Variants in RHBDD1 observed in about 807,000 individuals in gnomAD.
The protein encoded by RHBDD1 is rhomboid domain containing 1.
A neutral mutation model predicts 36.3 loss-of-function variants in RHBDD1; 38 were observed. The observed-to-expected ratio is 1.05, with a 90% CI of 0.81 to 1.37. The LOEUF is 1.37. Among genes scored for constraint, RHBDD1 ranks in the 40% most tolerant of loss-of-function variants. RHBDD1 has a pLI of 0.00. For missense variants in RHBDD1, 393 were observed against 377.6 expected (o/e 1.04, Z -0.34); for synonymous variants, 151 against 136.5 (o/e 1.11, Z -0.74).
chr2:226,904,209 T>A (rs1017779410), intron 5 of RHBDD1, among the ~76,000 whole-genome samples: 1 of 151,912 alleles, frequency 6.6e-6, no homozygotes, highest in African/African-American at 2.4e-5. Flanking sequence ...GACCGCAAGG[T>A]TAAAAGAGCG....
At chr2:226,947,485 A>G (rs1951065466) in intron 8 of RHBDD1, among the ~76,000 whole-genome samples, 1 of 152,030 alleles carries the variant, frequency 6.6e-6, no homozygotes, top group South Asian at 2.1e-4. Flanking sequence ...TACCAGTACC[A>G]TGCTGTTTTG....
the RHBDD1 span, among the ~76,000 whole-genome samples, chr2:226,824,577 T>A: frequency 6.6e-6 from 1 of 152,194 alleles, no homozygotes; most frequent in Non-Finnish European, 1.5e-5. Context: ...GTATGGGATG[T>A]CAAAAATTGC....
Position 226,996,525 on chromosome 2 carries a change from T to G in RHBDD1, c.*1003T>G, listed in dbSNP as rs1490180963. ...GTGTTCCATGAATAAAAGGACAAAG[T>G]CAGAAGATCACTGATGTCTTACTGT... is the stretch of plus-strand genomic sequence containing the variant. On this transcript the variant is annotated 3_prime_UTR_variant, in exon 9 of 9. Transcript: ENST00000392062. The G allele has an allele frequency of 2.6e-5, 4 of 152,218 alleles. No individual in the cohort carries two copies. Among genetic ancestry groups the G allele is most frequent in the Admixed American group, 6.5e-5 (1 of 15,282 alleles). 9.4% of individuals were successfully genotyped at this position (152,218 alleles called of 1,614,324 possible).
chr2:226,865,375 A>C (rs1175072508), intron 4 of RHBDD1, among the ~76,000 whole-genome samples: 1 of 152,176 alleles, frequency 6.6e-6, no homozygotes, highest in African/African-American at 2.4e-5. Flanking sequence ...ATAGTATTGG[A>C]AATATGCACC....
intron 8 of RHBDD1, among the ~76,000 whole-genome samples, chr2:226,922,365 G>A (rs113886752): frequency 1.4e-4 from 21 of 151,556 alleles, no homozygotes; most frequent in African/African-American, 3.9e-4. Context: ...CTGCTGCCAC[G>A]CCCGGCTAAT....
the RHBDD1 span, among the ~76,000 whole-genome samples, chr2:226,828,434 T>C: frequency 6.6e-6 from 1 of 152,242 alleles, no homozygotes. Flanking sequence ...GGTAGATTCC[T>C]AAGAGTGAAA....
At chr2:226,893,116 A>T (rs1482652773) in intron 5 of RHBDD1, among the ~76,000 whole-genome samples, 2 of 152,182 alleles carry the variant, frequency 1.3e-5, no homozygotes, top group East Asian at 3.8e-4. Context: ...CTGTATGATG[A>T]ACTTCCTTTA....
intron 5 of RHBDD1, among the ~76,000 whole-genome samples, chr2:226,897,942 G>A (rs1011382609): frequency 1.3e-5 from 2 of 152,092 alleles, no homozygotes; most frequent in African/African-American, 2.4e-5. Context: ...TTGCGCCATT[G>A]TACTCCAGCC....
At chr2:226,920,421 A>G (rs1351873859) in intron 8 of RHBDD1, among the ~76,000 whole-genome samples, 5 of 152,118 alleles carry the variant, frequency 3.3e-5, no homozygotes, top group African/African-American at 9.7e-5. Context: ...TTTCAGTACT[A>G]TGTTGAATAA....
rs16822746 is a variant in RHBDD1, at chr2:226,840,745, C to T, written c.-91+1118C>T. On this transcript the variant is annotated intron_variant, in intron 3 of 8. Coordinates refer to ENST00000392062, the MANE Select transcript of RHBDD1 (RefSeq NM_001167608.3). ...TTAACTTGCTTATGCATTTTTAATG[C>T]AAAGTCACAATATCAGGATAGTAAT... Among the ~76,000 whole-genome samples, 74 of 152,214 alleles carry T rather than the reference C, an allele frequency of 4.9e-4. No individual in the cohort carries two copies. The East Asian group carries it at 0.013, about 28-fold the overall frequency.
chr2:226,836,241 G>C (rs574358140), intron 1 of RHBDD1, 154 bp downstream of exon 1: 3 of 152,760 alleles, frequency 2.0e-5, no homozygotes, highest in East Asian at 3.9e-4. Flanking sequence ...AGGCATGGCG[G>C]GGCTGGAGGC....
rs977622689 is a variant in RHBDD1, at chr2:226,925,434, T to A, written c.856+11083T>A. Among the ~76,000 whole-genome samples, 6 of 152,244 alleles carry A rather than the reference T, an allele frequency of 3.9e-5. No individual in the cohort carries two copies. In the South Asian group the frequency reaches 1.0e-3, roughly 26 times the overall value. ...AACATTTTTGAAAAATTTAGTGGCA[T>A]GAAAATATGATTACAACATAATTGC... On this transcript the variant is annotated intron_variant, in intron 8 of 8. Coordinates refer to ENST00000392062, the MANE Select transcript of RHBDD1 (RefSeq NM_001167608.3).
At chr2:226,870,851 T>G (rs1198870639) in intron 5 of RHBDD1, among the ~76,000 whole-genome samples, 1 of 152,190 alleles carries the variant, frequency 6.6e-6, no homozygotes, top group African/African-American at 2.4e-5. Context: ...TTTATCCTCA[T>G]CATCTTCACA....
At chr2:226,941,748 T>C (rs1950680943) in intron 8 of RHBDD1, among the ~76,000 whole-genome samples, 1 of 152,078 alleles carries the variant, frequency 6.6e-6, no homozygotes, top group African/African-American at 2.4e-5. Context: ...TCACCAAACA[T>C]AGAAAAGCCA....
chr2:226,877,692 AG>A (rs1166905136), intron 5 of RHBDD1, among the ~76,000 whole-genome samples: 1 of 152,066 alleles, frequency 6.6e-6, no homozygotes, highest in African/African-American at 2.4e-5. Flanking sequence ...TTTTTCCACA[AG>A]CATCTTTCTT....
intron 3 of RHBDD1, among the ~76,000 whole-genome samples, chr2:226,860,738 C>A (rs1943779217): frequency 6.6e-6 from 1 of 152,128 alleles, no homozygotes. Context: ...TATGTTCTAC[C>A]TACACTGGGA....
intron 8 of RHBDD1, among the ~76,000 whole-genome samples, chr2:226,940,564 A>G (rs1448451850): frequency 6.6e-6 from 1 of 152,192 alleles, no homozygotes; most frequent in Admixed American, 6.5e-5. Flanking sequence ...ACATGATTAT[A>G]TGCCCACAAT....
At chr2:226,877,845 G>A (rs533731510) in intron 5 of RHBDD1, among the ~76,000 whole-genome samples, 47 of 152,246 alleles carry the variant, frequency 3.1e-4, no homozygotes, top group Non-Finnish European at 6.0e-4. Flanking sequence ...ATGAATATGT[G>A]TCTGTGAAGA....
intron 8 of RHBDD1, chr2:226,988,291 C>A: frequency 6.5e-7 from 1 of 1,535,246 alleles, no homozygotes. Context: ...GTCTCTTCCC[C>A]TGTCCTTCCC....
Sources: allele counts gnomAD v4.1 joint callset (sites outside exome capture counted in the v4.1 genomes callset), GRCh38; gene constraint gnomAD v4.1.1; transcripts MANE v1.5; gene names NCBI Gene and HGNC (gene_info 2026-07-23, HGNC 2026-07-21).